Variants in CCDC15 observed in about 807,000 individuals in gnomAD.
CCDC15 encodes the protein coiled-coil domain-containing protein 15.
CCDC15 carries 105 observed loss-of-function variants against 114.5 expected under a neutral mutation model. That is an observed-to-expected ratio of 0.92 (90% CI 0.78 to 1.08). CCDC15 has a LOEUF of 1.08. Among genes scored for constraint, CCDC15 ranks in the 50% least tolerant of loss-of-function variants. The pLI, the probability that CCDC15 is intolerant of heterozygous loss-of-function variation, is 0.00. For missense variants in CCDC15, 1,105 were observed against 1,093.6 expected, an observed-to-expected ratio of 1.01 and a Z score of -0.15; for synonymous variants, 334 against 377.8, an observed-to-expected ratio of 0.88 and a Z score of 1.34.
At chr11:125,022,041 C>G (rs1423292546) in intron 13 of CCDC15, among the ~76,000 whole-genome samples, 1 of 151,882 alleles carries the variant, frequency 6.6e-6, no homozygotes. Context: ...AATAAGATCT[C>G]AATATACGCA....
In CCDC15 at chr11:125,040,655, C is replaced by T. The variant is rs775560747; in HGVS notation, c.2800C>T (p.Arg934Ter). 18 of 1,611,452 alleles carry T rather than the reference C, an allele frequency of 1.1e-5. No individual in the cohort carries two copies. Among genetic ancestry groups the T allele is most frequent in the African/African-American group, 6.7e-5 (5 of 74,852 alleles). Residue 934 changes from arginine to a stop codon, truncating the protein, a stop_gained, in exon 16 of 16, where the codon CGA (arginine) becomes TGA (stop). Coordinates refer to ENST00000344762, the MANE Select transcript of CCDC15 (RefSeq NM_025004.3). LOFTEE classifies it high-confidence loss of function. The part of the protein sequence containing the change: ...CDVPGGNSTL[R>*]VAIHNFASAH... ...TGTCCCTGGGGGTAATTCAACTCTT[C>T]GAGTCGCAATTCATAATTTTGCTTC...
At chr11:125,030,983 T>C (rs1364327445) in intron 13 of CCDC15, among the ~76,000 whole-genome samples, 1 of 152,224 alleles carries the variant, frequency 6.6e-6, no homozygotes, top group Non-Finnish European at 1.5e-5. Flanking sequence ...CACATAACTC[T>C]TCCCCAGATT....
intron 6 of CCDC15, 41 bp from the exon 7 acceptor site, chr11:124,986,701 G>GTGTGTGTGCGCGCGCA (rs1491544085): frequency 7.5e-7 from 1 of 1,326,198 alleles, no homozygotes; most frequent in African/African-American, 2.1e-5. Context: ...TTGTGTGTGT[G>GTGTGTGTGCGCGCGCA]CGCGCGCGCG....
At chr11:124,990,210 A>AG (rs771743791) in intron 8 of CCDC15, among the ~76,000 whole-genome samples, 1 of 152,314 alleles carries the variant, frequency 6.6e-6, no homozygotes, top group East Asian at 1.9e-4. Context: ...AAGGAGAGGT[A>AG]GGGGGGTGGC....
Position 124,958,698 on chromosome 11 carries a change from TG to T in CCDC15, c.178-413del, listed in dbSNP as rs1418910977. On this transcript the variant is annotated intron_variant, in intron 2 of 15. Coordinates refer to ENST00000344762, the MANE Select transcript of CCDC15 (RefSeq NM_025004.3). ...AGAGAGAGAGTGTTGTGGAAGGTAC[TG>T]GGGAGTGGGTATTAAATGGTTGTGA... is the stretch of plus-strand genomic sequence containing the variant. Among the ~76,000 whole-genome samples the T allele has an allele frequency of 2.0e-5, 3 of 152,152 alleles. No homozygotes were observed. The East Asian group carries it at 5.8e-4, about 29-fold the overall frequency.
In CCDC15 at chr11:124,954,923, T is replaced by A. The variant is rs1203699523; in HGVS notation, c.177+14T>A. 1 of 1,612,940 alleles carries A rather than the reference T, an allele frequency of 6.2e-7. No individual in the cohort carries two copies. The highest frequency in any genetic ancestry group is 1.3e-5 in the African/African-American group (1 of 75,028). On this transcript the variant is annotated intron_variant, in intron 2 of 15. Transcript: ENST00000344762. ...ATCCCAGCATATGTGAGTGTCAGTT[T>A]GATCCAAATATGGTGGGGTTCCCCA...
At chr11:124,979,918 G>T (rs1051852757) in intron 6 of CCDC15, among the ~76,000 whole-genome samples, 1 of 152,018 alleles carries the variant, frequency 6.6e-6, no homozygotes, top group Non-Finnish European at 1.5e-5. Flanking sequence ...GTTATAGATG[G>T]CTATTTTTAT....
chr11:124,987,644 T>C lies in CCDC15; in HGVS notation c.1418T>C (p.Leu473Pro), dbSNP rs779831868. ...ILPKYQDQNFLPKDQNFLSRD... is the reference protein window; with the variant it reads ...ILPKYQDQNFPPKDQNFLSRD... ...CCAAAATATCAGGACCAGAATTTTC[T>C]ACCTAAGGACCAGAATTTTTTATCT... is the stretch of plus-strand genomic sequence containing the variant. The change falls in exon 8 of 16, where the codon CTA becomes CCA. Residue 473 changes from leucine to proline, a missense_variant. Physicochemically the swap from Leu to Pro is moderately conservative, Grantham distance 98. Transcript: ENST00000344762. 1 of 1,613,690 alleles carries C rather than the reference T, an allele frequency of 6.2e-7. No homozygotes were observed. The highest frequency in any genetic ancestry group is 1.1e-5 in the South Asian group (1 of 91,042).
chr11:125,028,316 A>G (rs140920635), intron 13 of CCDC15, among the ~76,000 whole-genome samples: 1 of 152,138 alleles, frequency 6.6e-6, no homozygotes, highest in Non-Finnish European at 1.5e-5. Flanking sequence ...TGGTATTTTG[A>G]TGGGAATTGC....
intron 13 of CCDC15, among the ~76,000 whole-genome samples, 175 bp downstream of exon 13, chr11:125,005,387 G>A (rs1948543887): frequency 2.0e-5 from 3 of 151,930 alleles, no homozygotes; most frequent in Admixed American, 1.3e-4. Flanking sequence ...TTTTTGGTTC[G>A]ATTTTCTATT....
intron 2 of CCDC15, among the ~76,000 whole-genome samples, chr11:124,956,367 C>T (rs1339975239): frequency 6.6e-6 from 1 of 151,724 alleles, no homozygotes; most frequent in South Asian, 2.1e-4. Flanking sequence ...CTTGAGCCCA[C>T]GAATTGTAGG....
At chr11:125,038,660 C>A in intron 14 of CCDC15, 56 bp downstream of exon 14, 1 of 1,349,274 alleles carries the variant, frequency 7.4e-7, no homozygotes, top group South Asian at 1.6e-5. Context: ...TGGTAGAACT[C>A]ATTGTTCTCA....
chr11:124,982,749 C>T (rs7951535), intron 6 of CCDC15, among the ~76,000 whole-genome samples: 2 of 152,128 alleles, frequency 1.3e-5, no homozygotes, highest in Non-Finnish European at 2.9e-5. Flanking sequence ...CTTGGAGAAT[C>T]TAAGAACTGT....
chr11:124,984,934 CA>C (rs776334823), intron 6 of CCDC15, among the ~76,000 whole-genome samples: 1 of 152,138 alleles, frequency 6.6e-6, no homozygotes, highest in Admixed American at 6.5e-5. Context: ...TGCTTCTAGC[CA>C]GCTATCTTGT....
At chr11:124,977,227 T>A (rs1242405964) in intron 5 of CCDC15, among the ~76,000 whole-genome samples, 1 of 152,196 alleles carries the variant, frequency 6.6e-6, no homozygotes, top group African/African-American at 2.4e-5. Context: ...TCTGAAATTG[T>A]TACTGGCTAG....
chr11:125,027,511 A>C (rs1248670624), intron 13 of CCDC15, among the ~76,000 whole-genome samples: 1 of 151,530 alleles, frequency 6.6e-6, no homozygotes, highest in Non-Finnish European at 1.5e-5. Context: ...ATTTTTTCAT[A>C]TGTTTGTTGG....
intron 4 of CCDC15, among the ~76,000 whole-genome samples, chr11:124,960,229 C>A: frequency 6.7e-6 from 1 of 148,168 alleles, no homozygotes; most frequent in East Asian, 2.0e-4. Context: ...TGGTAAGATA[C>A]TCTAAAATTA....
chr11:125,017,599 A>G (rs553099371), intron 13 of CCDC15, among the ~76,000 whole-genome samples: 2 of 152,290 alleles, frequency 1.3e-5, no homozygotes, highest in Non-Finnish European at 2.9e-5. Context: ...TTACTGGTTT[A>G]TATATTTACT....
chr11:125,030,973 C>T (rs531609176), intron 13 of CCDC15, among the ~76,000 whole-genome samples: 18 of 152,228 alleles, frequency 1.2e-4, no homozygotes, highest in Non-Finnish European at 2.4e-4. Flanking sequence ...GAGGTCCGTC[C>T]ACATAACTCT....
Sources: allele counts gnomAD v4.1 joint callset (sites outside exome capture counted in the v4.1 genomes callset), GRCh38; gene constraint gnomAD v4.1.1; transcripts MANE v1.5; gene names NCBI Gene and HGNC (gene_info 2026-07-23, HGNC 2026-07-21).